The following ARHGAP6 variants were observed in gnomAD, a reference collection of about 807,000 sequenced individuals.
ARHGAP6 encodes the protein Rho GTPase activating protein 6.
A neutral mutation model predicts 55.7 loss-of-function variants in ARHGAP6; 16 were observed. That is an observed-to-expected ratio of 0.29 (90% CI 0.19 to 0.44). The LOEUF (loss-of-function observed/expected upper bound fraction) is 0.44. ARHGAP6 is among the 20% of genes least tolerant of loss of function. ARHGAP6 has a pLI of 1.00. For synonymous variants in ARHGAP6, 382 were observed against 360.9 expected (o/e 1.06, Z -0.66); for missense variants, 698 against 808.9 (o/e 0.86, Z 1.66).
rs1272023895 is a variant in ARHGAP6 at position 11,298,462 on chromosome X, A to C, written c.589-43755T>G. The C allele has an allele frequency of 2.6e-6, 3 of 1,168,819 alleles. No homozygotes were observed. The African/African-American group carries it at 5.3e-5, about 21-fold the overall frequency. ...GGAAAAATGAATAAAATATTCCTAT[A>C]GCCATAATGGCAAAGAAAACACTGC... is the stretch of plus-strand genomic sequence containing the variant. On this transcript the variant is annotated intron_variant, in intron 1 of 12. Transcript: ENST00000337414.
At chrX:11,649,974 C>T (rs1287523172) in intron 1 of ARHGAP6, among the ~76,000 whole-genome samples, 2 of 107,559 alleles carry the variant, frequency 1.9e-5, no homozygotes, top group Non-Finnish European at 3.8e-5. Context: ...TTCTTCTTGA[C>T]CATTCAACTT....
chrX:11,478,009 AT>A (rs935732732), intron 1 of ARHGAP6, among the ~76,000 whole-genome samples: 20 of 111,910 alleles, frequency 1.8e-4, no homozygotes, highest in African/African-American at 5.2e-4. Context: ...AATAAAAGTG[AT>A]TTTTTTTAAA....
At chrX:11,513,393 G>C in intron 1 of ARHGAP6, among the ~76,000 whole-genome samples, 1 of 112,098 alleles carries the variant, frequency 8.9e-6, no homozygotes, top group Non-Finnish European at 1.9e-5. Flanking sequence ...CAAGCAAGTT[G>C]AGACTTCAAA....
At chrX:11,396,028 T>C (rs1467478593) in intron 1 of ARHGAP6, among the ~76,000 whole-genome samples, 6 of 111,504 alleles carry the variant, frequency 5.4e-5, no homozygotes, top group Non-Finnish European at 1.1e-4. Context: ...GTTTAACCTA[T>C]GAATCACCCT....
At chrX:11,520,099 G>A (rs1159269897) in intron 1 of ARHGAP6, among the ~76,000 whole-genome samples, 7 of 80,892 alleles carry the variant, frequency 8.7e-5, no homozygotes, top group Non-Finnish European at 1.6e-4. Flanking sequence ...CTGACAAAGG[G>A]CCAATGTTCT....
intron 12 of ARHGAP6, 101 bp downstream of exon 12, chrX:11,142,132 C>T: frequency 1.9e-6 from 1 of 529,188 alleles, no homozygotes; most frequent in African/African-American, 2.4e-5. Context: ...TCAGCATTTC[C>T]CAAGTAATGT....
intron 2 of ARHGAP6, among the ~76,000 whole-genome samples, chrX:11,205,885 A>G (rs1333824050): frequency 8.9e-6 from 1 of 112,202 alleles, no homozygotes; most frequent in Non-Finnish European, 1.9e-5. Flanking sequence ...AGTTTAGAAA[A>G]GAGATTCTAT....
chrX:11,515,801 A>T (rs981429124), intron 1 of ARHGAP6, among the ~76,000 whole-genome samples: 1 of 112,561 alleles, frequency 8.9e-6, no homozygotes, highest in Non-Finnish European at 1.9e-5. Flanking sequence ...CCTAAAATTT[A>T]GTTGAGCTTT....
At chrX:11,335,740 G>T in intron 1 of ARHGAP6, 2 of 322,743 alleles carry the variant, frequency 6.2e-6, no homozygotes, top group Admixed American at 3.1e-5. Flanking sequence ...TTTTGCTGTT[G>T]ATTTCCCTCT....
At chrX:11,552,599 T>A (rs563384602) in intron 1 of ARHGAP6, among the ~76,000 whole-genome samples, 7 of 48,221 alleles carry the variant, frequency 1.5e-4, no homozygotes, top group African/African-American at 4.5e-4. Flanking sequence ...TATATATATA[T>A]AGACACACAC....
intron 1 of ARHGAP6, among the ~76,000 whole-genome samples, chrX:11,472,451 A>AT (rs1458767614): frequency 8.9e-6 from 1 of 111,972 alleles, no homozygotes; most frequent in Non-Finnish European, 1.9e-5. Context: ...AAGGCCAAGA[A>AT]TCAGGCATTG....
chrX:11,536,288 T>G (rs2051103324), intron 1 of ARHGAP6, among the ~76,000 whole-genome samples: 1 of 112,210 alleles, frequency 8.9e-6, no homozygotes, highest in Non-Finnish European at 1.9e-5. Context: ...AGGGACCTAA[T>G]GCCCCTGGAT....
chrX:11,215,570 G>T (rs2046870323), intron 2 of ARHGAP6, among the ~76,000 whole-genome samples: 1 of 112,852 alleles, frequency 8.9e-6, no homozygotes, highest in Non-Finnish European at 1.9e-5. Flanking sequence ...CACACACCCT[G>T]TTTCCTTACT....
At chrX:11,417,099 T>C (rs1603194274) in intron 1 of ARHGAP6, among the ~76,000 whole-genome samples, 5 of 77,918 alleles carry the variant, frequency 6.4e-5, no homozygotes, top group Admixed American at 1.6e-4. Context: ...TATATATATA[T>C]ATATATACAC....
chrX:11,549,102 A>G (rs969692537), intron 1 of ARHGAP6, among the ~76,000 whole-genome samples: 1 of 112,249 alleles, frequency 8.9e-6, no homozygotes, highest in South Asian at 3.7e-4. Context: ...CTAAACTAAT[A>G]TATCTTCTTT....
intron 1 of ARHGAP6, among the ~76,000 whole-genome samples, chrX:11,426,789 G>A (rs779896878): frequency 3.3e-4 from 36 of 108,395 alleles, no homozygotes; most frequent in Non-Finnish European, 5.9e-4. Flanking sequence ...TTGGTCGGTC[G>A]TTAACCTTAA....
chrX:11,495,425 G>C (rs949196489), intron 1 of ARHGAP6, among the ~76,000 whole-genome samples: 1 of 112,077 alleles, frequency 8.9e-6, no homozygotes, highest in African/African-American at 3.2e-5. Flanking sequence ...TTTTGGGAAA[G>C]GTTTTTTTCC....
chrX:11,324,959 C>T (rs1232956105), intron 1 of ARHGAP6, among the ~76,000 whole-genome samples: 6 of 111,663 alleles, frequency 5.4e-5, no homozygotes, highest in East Asian at 2.8e-4. Context: ...CCCGGGTTCA[C>T]GCCATTCTCC....
chrX:11,199,012 G>C (rs1209829755), intron 2 of ARHGAP6, among the ~76,000 whole-genome samples: 5 of 111,912 alleles, frequency 4.5e-5, no homozygotes, highest in South Asian at 7.4e-4. Context: ...TTCCTGTTTT[G>C]GGATGCATAC....
Sources: gnomAD v4.1 joint callset for allele counts (sites outside exome capture counted in the v4.1 genomes callset) on GRCh38, gnomAD v4.1.1 for gene constraint, MANE v1.5 for transcripts, NCBI Gene and HGNC (gene_info 2026-07-23, HGNC 2026-07-21) for gene names.